The following OMA1 variants were observed in gnomAD, a reference collection of about 807,000 sequenced individuals.
OMA1 encodes the protein metalloendopeptidase OMA1, mitochondrial.
In OMA1, 38 loss-of-function variants were observed where a neutral mutation model predicts 30.9. The observed-to-expected ratio is 1.23, with a 90% confidence interval of 0.95 to 1.61. OMA1 has a LOEUF of 1.61. OMA1 is among the 40% of genes most tolerant of loss of function. OMA1 has a pLI of 0.00. For missense variants in OMA1, 461 were observed against 349.2 expected, an observed-to-expected ratio of 1.32 and a Z score of -2.55; for synonymous variants, 173 against 121.9, an observed-to-expected ratio of 1.42 and a Z score of -2.76.
At chr1:58,529,183 T>A (rs1009937791) in intron 6 of OMA1, among the ~76,000 whole-genome samples, 1 of 152,210 alleles carries the variant, frequency 6.6e-6, no homozygotes, top group Non-Finnish European at 1.5e-5. Flanking sequence ...ATGTTAATAC[T>A]GAATAATAGA....
chr1:58,523,385 C>A (rs910970699), intron 7 of OMA1, among the ~76,000 whole-genome samples: 1 of 152,040 alleles, frequency 6.6e-6, no homozygotes, highest in Admixed American at 6.6e-5. Context: ...GTGGTGTAAA[C>A]CTTACAGACT....
At chr1:58,521,510 T>C (rs575801962) in intron 7 of OMA1, among the ~76,000 whole-genome samples, 18 of 151,790 alleles carry the variant, frequency 1.2e-4, no homozygotes, top group Non-Finnish European at 1.9e-4. Context: ...TTTGAAAAGA[T>C]TGATGAAAGT....
intron 7 of OMA1, among the ~76,000 whole-genome samples, chr1:58,512,840 T>C (rs1265448308): frequency 2.6e-5 from 4 of 152,204 alleles, no homozygotes; most frequent in Admixed American, 6.5e-5. Context: ...AGCATGTGCC[T>C]ATAGTTAAGT....
At chr1:58,523,756 G>A (rs112950547) in intron 7 of OMA1, among the ~76,000 whole-genome samples, 2 of 152,054 alleles carry the variant, frequency 1.3e-5, no homozygotes, top group Non-Finnish European at 1.5e-5. Flanking sequence ...AAAATTAGCC[G>A]GGCATGGTGG....
intron 8 of OMA1, among the ~76,000 whole-genome samples, chr1:58,503,597 G>A (rs534598949): frequency 6.6e-6 from 1 of 152,156 alleles, no homozygotes; most frequent in East Asian, 1.9e-4. Flanking sequence ...TGTCATAAGG[G>A]TGGAGCCCTC....
chr1:58,486,977 T>C (rs1273703467), intron 8 of OMA1, among the ~76,000 whole-genome samples: 1 of 152,240 alleles, frequency 6.6e-6, no homozygotes. Flanking sequence ...AGAGTCTGGA[T>C]TTTTATTCTA....
At chr1:58,517,380 T>C (rs969208681) in intron 7 of OMA1, among the ~76,000 whole-genome samples, 1 of 152,236 alleles carries the variant, frequency 6.6e-6, no homozygotes, top group Non-Finnish European at 1.5e-5. Flanking sequence ...TAAGCCATTG[T>C]TTCTCTTGCC....
chr1:58,530,458 A>T (rs1176118849), intron 6 of OMA1, 143 bp downstream of exon 6: 2 of 532,542 alleles, frequency 3.8e-6, no homozygotes, highest in Non-Finnish European at 3.3e-6. Context: ...TCCCCTAAAA[A>T]CGAGAAAACA....
chr1:58,546,702 C>T lies in OMA1; in HGVS notation c.-17+1G>A, dbSNP rs1329064683. 1.3e-5 allele frequency: 2 copies of T among 152,278 alleles called. No homozygotes were observed. Among genetic ancestry groups the T allele is most frequent in the African/African-American group, 4.8e-5 (2 of 41,434 alleles). The allele number at this position is 152,278 out of a possible 1,614,324, so 9.4% of individuals were successfully genotyped here. The stretch of plus-strand genomic sequence containing the variant: ...GGAAAAGCGTCACCGTGAGGACTGA[C>T]TCAAGCAGAAGCGAAAGCGGTGACA... On this transcript the variant is annotated splice_donor_variant, in intron 1 of 8. Coordinates refer to ENST00000371226, the MANE Select transcript of OMA1 (RefSeq NM_145243.5). LOFTEE classifies it low-confidence loss of function (5UTR_SPLICE).
chr1:58,499,509 A>ATAGATAGATAG (rs776144705), intron 8 of OMA1, among the ~76,000 whole-genome samples: 66 of 42,900 alleles, frequency 1.5e-3, no homozygotes, highest in Non-Finnish European at 2.1e-3. Context: ...TAGATAGATA[A>ATAGATAGATAG]ATAGATAGAT....
In OMA1 at chr1:58,539,140, C is replaced by A. The variant is rs756578819; in HGVS notation, c.155G>T (p.Gly52Val). Residue 52 changes from glycine to valine, a missense_variant, in exon 2 of 9, where the codon GGA (glycine) becomes GTA (valine). Physicochemically the swap from Gly to Val is moderately radical, Grantham distance 109 (BLOSUM62 -3). Coordinates refer to ENST00000371226, the MANE Select transcript of OMA1 (RefSeq NM_145243.5). ...CCTGTCACACTGATTTACTCCCAGT[C>A]CCTGATACTTATTTACTATATGGTT... ...QVNHIVNKYQGLGVNQCDRWS... is the reference protein window; with the variant it reads ...QVNHIVNKYQVLGVNQCDRWS... 6 of 872,944 alleles carry A rather than the reference C, an allele frequency of 6.9e-6. No homozygotes were observed. Among genetic ancestry groups the A allele is most frequent in the Non-Finnish European group, 1.2e-5 (6 of 501,650 alleles). 54.1% of individuals were successfully genotyped at this position (872,944 alleles called of 1,614,324 possible). A position where few individuals can be genotyped will look rare whatever the true frequency, so the allele number is the denominator to read the frequency against.
chr1:58,488,838 C>T (rs532800954), intron 8 of OMA1, among the ~76,000 whole-genome samples: 2 of 152,370 alleles, frequency 1.3e-5, no homozygotes, highest in Admixed American at 6.5e-5. Flanking sequence ...CCTTTGCATC[C>T]TCATAGCTTA....
intron 6 of OMA1, among the ~76,000 whole-genome samples, chr1:58,527,939 T>A (rs769283093): frequency 2.0e-5 from 3 of 152,250 alleles, no homozygotes; most frequent in Non-Finnish European, 4.4e-5. Context: ...TTTATGTGAA[T>A]GCTTTCCAGT....
At chr1:58,517,798 A>T (rs1263081340) in intron 7 of OMA1, among the ~76,000 whole-genome samples, 1 of 152,048 alleles carries the variant, frequency 6.6e-6, no homozygotes, top group Non-Finnish European at 1.5e-5. Context: ...TATTAATGTT[A>T]AATGTCAATC....
chr1:58,527,268 G>A lies in OMA1; in HGVS notation c.1208C>T (p.Ala403Val). Reference sequence around the variant, plus strand: ...AACTACTAAACACTTTACCTTTGCAGCAAGCAGTAGTCCAATTTTGTCAGC... The same window carrying A: ...AACTACTAAACACTTTACCTTTGCAACAAGCAGTAGTCCAATTTTGTCAGC... Reference protein sequence around the residue: ...AEADKIGLLLAAKACADIRAS... With the variant: ...AEADKIGLLLVAKACADIRAS... The change falls in exon 7 of 9, where the codon GCT becomes GTT. Residue 403 changes from alanine to valine, a missense_variant. Ala to Val is a moderately conservative substitution (Grantham distance 64). Coordinates refer to ENST00000371226, the MANE Select transcript of OMA1 (RefSeq NM_145243.5). 1.1e-6 allele frequency: 1 copy of A among 872,254 alleles called. No individual in the cohort carries two copies. The highest frequency in any genetic ancestry group is 2.0e-6 in the Non-Finnish European group (1 of 501,222). 54.0% of individuals were successfully genotyped at this position (872,254 alleles called of 1,614,324 possible). A position where few individuals can be genotyped will look rare whatever the true frequency, so the allele number is the denominator to read the frequency against.
chr1:58,484,374 T>C (rs1645539418), intron 8 of OMA1, among the ~76,000 whole-genome samples: 1 of 152,246 alleles, frequency 6.6e-6, no homozygotes, highest in South Asian at 2.1e-4. Flanking sequence ...AGGTAGATTA[T>C]ACTTTTTGTT....
intron 7 of OMA1, among the ~76,000 whole-genome samples, chr1:58,511,450 C>G (rs758541762): frequency 2.6e-5 from 4 of 152,006 alleles, no homozygotes; most frequent in Non-Finnish European, 4.4e-5. Context: ...GAGTCCAAGA[C>G]CAACCTGGGC....
intron 8 of OMA1, among the ~76,000 whole-genome samples, chr1:58,482,662 T>C (rs1244856204): frequency 6.6e-6 from 1 of 152,110 alleles, no homozygotes; most frequent in Non-Finnish European, 1.5e-5. Context: ...AAGGCCTCAC[T>C]GATAGGATAA....
intron 8 of OMA1, among the ~76,000 whole-genome samples, chr1:58,489,852 C>G (rs572567350): frequency 6.6e-6 from 1 of 152,308 alleles, no homozygotes; most frequent in East Asian, 1.9e-4. Flanking sequence ...GGTCCTCCAG[C>G]AAACTCCAAC....
Sources: allele counts gnomAD v4.1 joint callset (sites outside exome capture counted in the v4.1 genomes callset), GRCh38; gene constraint gnomAD v4.1.1; transcripts MANE v1.5; gene names NCBI Gene and HGNC (gene_info 2026-07-23, HGNC 2026-07-21).